The following FGF14 variants were observed in gnomAD, a reference collection of about 807,000 sequenced individuals.
FGF14 encodes fibroblast growth factor 14.
FGF14 carries 5 observed loss-of-function variants against 25.5 expected under a neutral mutation model. The ratio of observed to expected loss-of-function variants is 0.20; its 90% CI spans 0.10 to 0.41. The LOEUF (loss-of-function observed/expected upper bound fraction) is 0.41, where lower values mean the gene tolerates loss of function less well. FGF14 is among the 10% of genes least tolerant of loss of function. The pLI is 1.00. For synonymous variants in FGF14, 138 were observed against 118.3 expected (o/e 1.17, Z -1.08); for missense variants, 222 against 320.1 (o/e 0.69, Z 2.34).
chr13:102,362,405 C>T (rs982508292), intron 1 of FGF14, among the ~76,000 whole-genome samples: 1 of 152,150 alleles, frequency 6.6e-6, no homozygotes, highest in Non-Finnish European at 1.5e-5. Flanking sequence ...CTCCACCAAA[C>T]TGAATTCAGT....
At chr13:102,250,711 A>G (rs1166929874) in intron 1 of FGF14, among the ~76,000 whole-genome samples, 1 of 152,214 alleles carries the variant, frequency 6.6e-6, no homozygotes, top group Non-Finnish European at 1.5e-5. Flanking sequence ...GTTTCAGAGA[A>G]TGCTGATTAA....
chr13:101,744,000 T>C (rs1250293506), intron 3 of FGF14, among the ~76,000 whole-genome samples: 1 of 152,088 alleles, frequency 6.6e-6, no homozygotes, highest in Non-Finnish European at 1.5e-5. Context: ...GAGTTAAGGA[T>C]CCTAAGGAAA....
In FGF14 at chr13:101,802,015, C is replaced by A. The variant is rs1271368477; in HGVS notation, c.408+66710G>T. On this transcript the variant is annotated intron_variant, in intron 3 of 4. Coordinates refer to ENST00000376143, the MANE Select transcript of FGF14 (RefSeq NM_004115.4). The stretch of plus-strand genomic sequence containing the variant: ...TAGCAGAATTTTTCAAGATGTGCTC[C>A]GACAGGTGAAAGACAGTGTCTAGGA... The A allele has an allele frequency of 9.2e-6, 4 of 433,054 alleles. No individual in the cohort carries two copies. In the East Asian group the frequency reaches 2.4e-4, roughly 26 times the overall value. The allele number at this position is 433,054 out of a possible 1,614,324, so 26.8% of individuals were successfully genotyped here.
chr13:102,089,995 G>T (rs118045531), intron 1 of FGF14, among the ~76,000 whole-genome samples: 9 of 152,282 alleles, frequency 5.9e-5, no homozygotes, highest in Non-Finnish European at 1.2e-4. Flanking sequence ...TGCCATATCT[G>T]AAGCTTAAAT....
chr13:101,768,315 AAAG>A (rs2038539085), intron 3 of FGF14, among the ~76,000 whole-genome samples: 1 of 152,240 alleles, frequency 6.6e-6, no homozygotes, highest in East Asian at 1.9e-4. Context: ...TGGAAAAATC[AAAG>A]AAGAACCAAA....
chr13:101,834,678 C>G (rs2042838442), intron 3 of FGF14, among the ~76,000 whole-genome samples: 1 of 151,988 alleles, frequency 6.6e-6, no homozygotes, highest in Non-Finnish European at 1.5e-5. Context: ...CTTTCCGTTA[C>G]AGAACAATCC....
At chr13:102,191,184 A>G (rs931431651) in intron 1 of FGF14, among the ~76,000 whole-genome samples, 4 of 152,188 alleles carry the variant, frequency 2.6e-5, no homozygotes, top group African/African-American at 7.2e-5. Context: ...AAAACCATCC[A>G]TGGTAATTGC....
chr13:102,064,169 GAA>G (rs2042805130), intron 1 of FGF14, among the ~76,000 whole-genome samples: 1 of 152,084 alleles, frequency 6.6e-6, no homozygotes, highest in African/African-American at 2.4e-5. Context: ...ATGGGTCTTA[GAA>G]AAGAACTAAG....
At chr13:102,214,394 C>T (rs1453691539) in intron 1 of FGF14, among the ~76,000 whole-genome samples, 2 of 152,138 alleles carry the variant, frequency 1.3e-5, no homozygotes, top group Non-Finnish European at 2.9e-5. Context: ...GATTCAGAAG[C>T]TTAAAAAAAT....
At chr13:101,810,599 C>T (rs1289740163) in intron 3 of FGF14, among the ~76,000 whole-genome samples, 2 of 152,192 alleles carry the variant, frequency 1.3e-5, no homozygotes, top group Non-Finnish European at 2.9e-5. Flanking sequence ...TTCCACATCA[C>T]TTAAGCCCTC....
intron 1 of FGF14, among the ~76,000 whole-genome samples, chr13:102,287,107 C>A (rs778302673): frequency 5.3e-5 from 8 of 151,976 alleles, no homozygotes; most frequent in Non-Finnish European, 1.2e-4. Context: ...TGCACATGTA[C>A]CCTAGAACTT....
At chr13:102,330,596 T>G (rs901486049) in intron 1 of FGF14, among the ~76,000 whole-genome samples, 1 of 152,160 alleles carries the variant, frequency 6.6e-6, no homozygotes, top group Admixed American at 6.6e-5. Context: ...CAGTTTCTCT[T>G]TAGCTATCTA....
intron 1 of FGF14, among the ~76,000 whole-genome samples, chr13:102,239,011 G>A (rs7997232): frequency 0.041 from 6,289 of 151,952 alleles, 433 homozygotes; most frequent in African/African-American, 0.14. Context: ...CTCAAAAGAC[G>A]ATGGAACTCA....
At chr13:101,793,895 C>A (rs1312899459) in intron 3 of FGF14, among the ~76,000 whole-genome samples, 1 of 152,036 alleles carries the variant, frequency 6.6e-6, no homozygotes, top group Non-Finnish European at 1.5e-5. Flanking sequence ...ATTAGTGAGA[C>A]TCTGATGTTT....
chr13:102,136,097 T>A (rs935956474), intron 1 of FGF14, among the ~76,000 whole-genome samples: 2 of 152,156 alleles, frequency 1.3e-5, no homozygotes, highest in Non-Finnish European at 2.9e-5. Flanking sequence ...CCAGAACTCT[T>A]TAGCTTAATG....
chr13:101,975,771 T>C (rs1251720096), intron 1 of FGF14, among the ~76,000 whole-genome samples: 1 of 152,212 alleles, frequency 6.6e-6, no homozygotes, highest in Non-Finnish European at 1.5e-5. Context: ...AAAAAGCTGG[T>C]GTTAAAACCA....
intron 1 of FGF14, among the ~76,000 whole-genome samples, chr13:102,014,588 T>C (rs1248590904): frequency 2.6e-5 from 4 of 152,164 alleles, no homozygotes; most frequent in African/African-American, 9.6e-5. Flanking sequence ...AATCAAGAGT[T>C]ACATTCAACT....
At chr13:102,134,752 G>A (rs17588797) in intron 1 of FGF14, among the ~76,000 whole-genome samples, 4,228 of 152,176 alleles carry the variant, frequency 0.028, 96 homozygotes, top group Non-Finnish European at 0.047. Flanking sequence ...GTATTTGTTC[G>A]TTATCATTTT....
chr13:102,326,020 C>A (rs2056413811), intron 1 of FGF14, among the ~76,000 whole-genome samples: 1 of 152,154 alleles, frequency 6.6e-6, no homozygotes, highest in Non-Finnish European at 1.5e-5. Context: ...GATTGGGCAT[C>A]TTTAAGAGTA....
Sources: gnomAD v4.1 joint callset for allele counts (sites outside exome capture counted in the v4.1 genomes callset) on GRCh38, gnomAD v4.1.1 for gene constraint, MANE v1.5 for transcripts, NCBI Gene and HGNC (gene_info 2026-07-23, HGNC 2026-07-21) for gene names.